The following RSPH3 variants were observed in gnomAD, a reference collection of about 807,000 sequenced individuals.
The protein encoded by RSPH3 is radial spoke head 3.
Under a neutral mutation model 43.8 loss-of-function variants are expected in RSPH3, and 21 were observed. That is an observed-to-expected ratio of 0.48 (90% CI 0.34 to 0.69). The LOEUF (loss-of-function observed/expected upper bound fraction) is 0.69. Ranked by LOEUF, RSPH3 falls within the 30% of genes least tolerant of loss-of-function variation. The pLI, the probability that RSPH3 is intolerant of heterozygous loss-of-function variation, is 0.01. For missense variants in RSPH3, 487 were observed against 516.0 expected, an observed-to-expected ratio of 0.94 and a Z score of 0.54; for synonymous variants, 173 against 179.8, an observed-to-expected ratio of 0.96 and a Z score of 0.30.
At chr6:158,981,586 G>A (rs573928478) in intron 5 of RSPH3, among the ~76,000 whole-genome samples, 5 of 152,072 alleles carry the variant, frequency 3.3e-5, no homozygotes, top group Admixed American at 6.5e-5. Context: ...AAGACTTCAC[G>A]ACTCATTTCA....
At chr6:158,996,894 G>C (rs1274207852) in intron 1 of RSPH3, among the ~76,000 whole-genome samples, 1 of 152,180 alleles carries the variant, frequency 6.6e-6, no homozygotes, top group Non-Finnish European at 1.5e-5. Flanking sequence ...GGCCTAGTGG[G>C]AGGTGTTTGG....
the RSPH3 span, among the ~76,000 whole-genome samples, chr6:158,966,513 A>G: frequency 7.2e-5 from 11 of 152,234 alleles, no homozygotes; most frequent in African/African-American, 2.6e-4. Flanking sequence ...TTACAGATCT[A>G]TTCAGGTTTT....
chr6:158,965,857 T>C, the RSPH3 span, among the ~76,000 whole-genome samples: 1 of 152,144 alleles, frequency 6.6e-6, no homozygotes. Context: ...AAACATTCAA[T>C]CTTTCACCGT....
chr6:158,970,631 C>T (rs139130522), downstream of RSPH3, among the ~76,000 whole-genome samples: 8,119 of 151,884 alleles, frequency 0.053, 382 homozygotes, highest in African/African-American at 0.13. Flanking sequence ...CTGCAACCTC[C>T]GCCTCCTGGG....
At chr6:158,982,807 A>C in intron 4 of RSPH3, 119 bp from the exon 5 acceptor site, 1 of 672,268 alleles carries the variant, frequency 1.5e-6, no homozygotes, top group Non-Finnish European at 2.5e-6. Flanking sequence ...TGTGCCAGAC[A>C]CTGTGCTGGT....
At chr6:158,983,576 G>C (rs1380245784) in intron 4 of RSPH3, 86 bp downstream of exon 4, 5 of 964,756 alleles carry the variant, frequency 5.2e-6, no homozygotes, top group Non-Finnish European at 6.8e-6. Context: ...TTGTGAAGTG[G>C]TTCTTGCTCA....
At chr6:158,967,119 T>G in the RSPH3 span, among the ~76,000 whole-genome samples, 1 of 152,192 alleles carries the variant, frequency 6.6e-6, no homozygotes, top group East Asian at 1.9e-4. Context: ...CAGATGATTC[T>G]CCTATCTTAG....
chr6:158,997,436 T>C (rs1778632400), intron 1 of RSPH3, among the ~76,000 whole-genome samples: 1 of 152,082 alleles, frequency 6.6e-6, no homozygotes, highest in African/African-American at 2.4e-5. Flanking sequence ...CATGCCCGGC[T>C]ACTCTCCTGA....
At chr6:158,979,395 C>G (rs1777954292) in intron 6 of RSPH3, among the ~76,000 whole-genome samples, 1 of 152,146 alleles carries the variant, frequency 6.6e-6, no homozygotes, top group African/African-American at 2.4e-5. Context: ...ACTGGTCTCT[C>G]TGGCTAACAG....
At chr6:158,979,330 G>A (rs1017022757) in intron 6 of RSPH3, among the ~76,000 whole-genome samples, 5 of 152,074 alleles carry the variant, frequency 3.3e-5, no homozygotes, top group African/African-American at 4.8e-5. Flanking sequence ...TCATTTGCAA[G>A]CTTTTAAATG....
chr6:158,965,229 A>C, the RSPH3 span, among the ~76,000 whole-genome samples: 1 of 151,944 alleles, frequency 6.6e-6, no homozygotes, highest in African/African-American at 2.4e-5. Context: ...GAGTCCTATA[A>C]TTTTGTTCTT....
chr6:158,997,348 T>C (rs1366114887), intron 1 of RSPH3, among the ~76,000 whole-genome samples: 1 of 149,618 alleles, frequency 6.7e-6, no homozygotes, highest in Non-Finnish European at 1.5e-5. Context: ...CTTGGCTCAC[T>C]GCAACCTCCG....
rs1374770896 is a variant in RSPH3, at chr6:158,976,982, T to G, written c.*556A>C. On this transcript the variant is annotated 3_prime_UTR_variant, in exon 8 of 8. Transcript: ENST00000367069. ...GGCATGCGCCACCATGCCTGGCTAA[T>G]TTTGTATTTTTAGCAGAGATGGGGT... 6.6e-6 allele frequency: 1 copy of G among 152,378 alleles called. No homozygotes were observed. Among genetic ancestry groups the G allele is most frequent in the Non-Finnish European group, 1.5e-5 (1 of 68,320 alleles). The allele number at this position is 152,378 out of a possible 1,614,324, so 9.4% of individuals were successfully genotyped here. A position where few individuals can be genotyped will look rare whatever the true frequency, so the allele number is the denominator to read the frequency against.
chr6:158,986,544 C>T, intron 2 of RSPH3, 123 bp from the exon 3 acceptor site: 1 of 719,200 alleles, frequency 1.4e-6, no homozygotes, highest in East Asian at 2.7e-5. Context: ...TCTTGATTAT[C>T]AGTAACTTCA....
At position 158,976,627 on chromosome 6, in the gene RSPH3, A is replaced by C. The variant is rs1342778843; in HGVS notation, c.*911T>G. 1 of 152,194 alleles carries C rather than the reference A, an allele frequency of 6.6e-6. No homozygotes were observed. Among genetic ancestry groups the C allele is most frequent in the Non-Finnish European group, 1.5e-5 (1 of 68,030 alleles). The allele number at this position is 152,194 out of a possible 1,614,324, so 9.4% of individuals were successfully genotyped here. On this transcript the variant is annotated 3_prime_UTR_variant, in exon 8 of 8. Transcript: ENST00000367069. Reference sequence around the variant, plus strand: ...TTGAGGAGGGGAGTGAGACTGTATGAGGGCAAACAGGGACTTTTGCTTTAT... The same window carrying C: ...TTGAGGAGGGGAGTGAGACTGTATGCGGGCAAACAGGGACTTTTGCTTTAT...
At position 158,973,056 on chromosome 6, in the gene RSPH3, G is replaced by C. The variant is rs1777721807; in HGVS notation, c.*4482C>G. On this transcript the variant is annotated 3_prime_UTR_variant, in exon 8 of 8. Coordinates refer to ENST00000367069, the MANE Select transcript of RSPH3 (RefSeq NM_031924.8). ...ACTGTGAACAAGATTGTGGAAGGTT[G>C]GTTGAGGTTAGGCCTAGGCATTACG... 2 of 152,182 alleles carry C rather than the reference G, an allele frequency of 1.3e-5. No individual in the cohort carries two copies. Among genetic ancestry groups the C allele is most frequent in the African/African-American group, 2.4e-5 (1 of 41,438 alleles). The allele number at this position is 152,182 out of a possible 1,614,324, so 9.4% of individuals were successfully genotyped here.
chr6:158,968,837 G>A (rs1000133380), downstream of RSPH3, among the ~76,000 whole-genome samples: 3 of 151,234 alleles, frequency 2.0e-5, no homozygotes, highest in South Asian at 4.2e-4. Context: ...TTAGCCTCCC[G>A]AGTAGCTGGG....
In RSPH3 at chr6:159,000,156, C is replaced by T; in HGVS notation, c.-606G>A. 1.6e-6 allele frequency: 1 copy of T among 620,848 alleles called. No homozygotes were observed. The allele number at this position is 620,848 out of a possible 1,614,324, so 38.5% of individuals were successfully genotyped here. A position where few individuals can be genotyped will look rare whatever the true frequency, so the allele number is the denominator to read the frequency against. On this transcript the variant is annotated 5_prime_UTR_variant, in exon 1 of 8. Coordinates refer to ENST00000367069, the MANE Select transcript of RSPH3 (RefSeq NM_031924.8). ...CCAGGCTGCCCCCGCGATAACACGC[C>T]CCTGGCAGCCAGGCTCCCAGCTCTG...
At chr6:158,985,962 C>A (rs1778222713) in intron 3 of RSPH3, among the ~76,000 whole-genome samples, 1 of 151,806 alleles carries the variant, frequency 6.6e-6, no homozygotes, top group Admixed American at 6.6e-5. Context: ...TACAGGCGAC[C>A]ACCACCATGC....
Sources: allele counts gnomAD v4.1 joint callset (sites outside exome capture counted in the v4.1 genomes callset), GRCh38; gene constraint gnomAD v4.1.1; transcripts MANE v1.5; gene names NCBI Gene and HGNC (gene_info 2026-07-23, HGNC 2026-07-21).